Variants in EVC2 observed in about 807,000 individuals in gnomAD.
The protein encoded by EVC2 is EvC ciliary complex subunit 2, also known as limbin.
Under a neutral mutation model 149.3 loss-of-function variants are expected in EVC2, and 148 were observed. The observed-to-expected ratio is 0.99, with a 90% CI of 0.87 to 1.14. The LOEUF (loss-of-function observed/expected upper bound fraction) is 1.14. Among genes scored for constraint, EVC2 ranks in the 50% most tolerant of loss-of-function variants. EVC2 has a pLI of 0.00. For synonymous variants in EVC2, 776 were observed against 649.9 expected, an observed-to-expected ratio of 1.19 and a Z score of -2.95; for missense variants, 1,854 against 1,627.3, an observed-to-expected ratio of 1.14 and a Z score of -2.40.
chr4:5,645,553 C>T (rs1389781395), intron 9 of EVC2, among the ~76,000 whole-genome samples: 1 of 152,136 alleles, frequency 6.6e-6, no homozygotes. Context: ...AGGATAATAG[C>T]CTTCAGCTCC....
rs35541037 is a variant in EVC2, at chr4:5,568,795, C to CA, written c.3361-156dup. Among the ~76,000 whole-genome samples the CA allele has an allele frequency of 2.1e-3, 322 of 151,958 alleles. 6 individuals are homozygous for CA. The highest frequency in any genetic ancestry group is 0.015 in the East Asian group (79 of 5,134). On this transcript the variant is annotated intron_variant, in intron 19 of 21. Coordinates refer to ENST00000344408, the MANE Select transcript of EVC2 (RefSeq NM_147127.5). ...CATGTTCCCGAACTTTCAGAGCTGT[C>CA]AAAAAAAACCTATTTGGTCAGCAAC...
At chr4:5,558,554 A>G (rs1273752792), downstream of EVC2, among the ~76,000 whole-genome samples, 1 of 152,240 alleles carries the variant, frequency 6.6e-6, no homozygotes, top group Non-Finnish European at 1.5e-5. Flanking sequence ...TCAATGCAAA[A>G]TTGACTTTAT....
intron 1 of EVC2, among the ~76,000 whole-genome samples, chr4:5,702,348 T>G (rs966903405): frequency 2.6e-5 from 4 of 152,196 alleles, no homozygotes; most frequent in Admixed American, 2.0e-4. Flanking sequence ...GCTCCAAGAA[T>G]GCAGGTTCCT....
chr4:5,697,610 C>A lies in EVC2; in HGVS notation c.266G>T (p.Cys89Phe), dbSNP rs771545761. Residue 89 changes from cysteine (C) to phenylalanine (F), a missense_variant, in exon 2 of 22, where the codon TGT becomes TTT. Cys to Phe is a radical substitution (Grantham distance 205). Transcript: ENST00000344408. ...PCMIWPKVEC[C>F]HFKTAVEAPL... The stretch of plus-strand genomic sequence containing the variant: ...AAACTCACCTGCAGTCTTAAAGTGA[C>A]AGCATTCCACTTTGGGCCAAATCAT... The A allele has an allele frequency of 1.7e-5, 28 of 1,614,170 alleles. No individual in the cohort carries two copies. In the South Asian group the frequency reaches 3.1e-4, roughly 18 times the overall value.
At chr4:5,603,179 G>C (rs562624002) in intron 16 of EVC2, among the ~76,000 whole-genome samples, 4 of 152,314 alleles carry the variant, frequency 2.6e-5, no homozygotes, top group African/African-American at 9.6e-5. Flanking sequence ...GGATAGATTA[G>C]AAAGGTAAGA....
intron 17 of EVC2, among the ~76,000 whole-genome samples, chr4:5,577,962 CCTGT>C (rs1341462566): frequency 6.6e-6 from 1 of 152,122 alleles, no homozygotes; most frequent in Non-Finnish European, 1.5e-5. Flanking sequence ...CACACCTGAG[CCTGT>C]CTGTGTCATC....
chr4:5,593,333 C>T (rs1000070219), intron 16 of EVC2, among the ~76,000 whole-genome samples: 1 of 152,156 alleles, frequency 6.6e-6, no homozygotes, highest in African/African-American at 2.4e-5. Flanking sequence ...TGCGTTACTT[C>T]CTTTTCTTCC....
chr4:5,563,024 C>T lies in EVC2; in HGVS notation c.3751G>A (p.Glu1251Lys), dbSNP rs769520928. 42 of 1,614,078 alleles carry T rather than the reference C, an allele frequency of 2.6e-5. No homozygotes were observed. Among genetic ancestry groups the T allele is most frequent in the South Asian group, 2.5e-4 (23 of 91,092 alleles). The change falls in exon 22 of 22, where the codon GAA (glutamate) becomes AAA (lysine). Residue 1251 changes from glutamate (E) to lysine (K), a missense_variant. Coordinates refer to ENST00000344408, the MANE Select transcript of EVC2 (RefSeq NM_147127.5). ...CCTACAATGGGTACAGGGGCCAGTT[C>T]GCCAATGGGCTCCAGTGACAGGTGT... The part of the protein sequence containing the change: ...WPHLSLEPIG[E>K]LAPVPIVGAE...
At chr4:5,634,694 A>T (rs1043188407) in intron 10 of EVC2, among the ~76,000 whole-genome samples, 37 of 152,184 alleles carry the variant, frequency 2.4e-4, no homozygotes, top group African/African-American at 7.7e-4. Flanking sequence ...AGCCTTGCAG[A>T]TGTGAGTTCC....
At chr4:5,691,439 C>A in intron 3 of EVC2, 106 bp from the exon 4 acceptor site, 1 of 846,682 alleles carries the variant, frequency 1.2e-6, no homozygotes, top group South Asian at 1.5e-5. Context: ...AGAAAGATTA[C>A]TGCTACTAAT....
intron 16 of EVC2, among the ~76,000 whole-genome samples, chr4:5,590,120 T>A (rs1051890343): frequency 2.0e-5 from 3 of 152,066 alleles, no homozygotes; most frequent in African/African-American, 7.2e-5. Context: ...TGAGGCTGAA[T>A]TAGATAAAAG....
Position 5,670,884 on chromosome 4 carries a change from C to T in EVC2, c.871-5235G>A, listed in dbSNP as rs1719607386. Among the ~76,000 whole-genome samples, 2 of 152,022 alleles carry T rather than the reference C, an allele frequency of 1.3e-5. No individual in the cohort carries two copies. Among genetic ancestry groups the T allele is most frequent in the Non-Finnish European group, 2.9e-5 (2 of 68,010 alleles). On this transcript the variant is annotated intron_variant, in intron 7 of 21. Transcript: ENST00000344408. The surrounding 1 kb of genome is among the most constrained non-coding windows in gnomAD (Gnocchi z 5.2). ...CCATCATTATCAACATCATCAATATCCCCATCACCATCATCTTCACCATGA... is the reference window on the plus strand; with the variant it reads ...CCATCATTATCAACATCATCAATATTCCCATCACCATCATCTTCACCATGA...
In EVC2 at chr4:5,622,046, T is replaced by C. The variant is rs1358183027; in HGVS notation, c.2501+491A>G. ...AGATGATGCAGTGTGGTGGAAGAAC[T>C]AACACGAAGGTCAAGATCATGAGCA... On this transcript the variant is annotated intron_variant, in intron 14 of 21. Transcript: ENST00000344408. This position sits in a 1 kb window ranked among gnomAD's most constrained non-coding sequence, Gnocchi z 5.8. Among the ~76,000 whole-genome samples, 2 of 151,784 alleles carry C rather than the reference T, an allele frequency of 1.3e-5. No homozygotes were observed. The highest frequency in any genetic ancestry group is 2.9e-5 in the Non-Finnish European group (2 of 67,960).
chr4:5,595,459 C>T (rs535882312), intron 16 of EVC2, among the ~76,000 whole-genome samples: 11 of 152,026 alleles, frequency 7.2e-5, no homozygotes, highest in Admixed American at 1.3e-4. Flanking sequence ...TTTCATATCC[C>T]GCCAAACTAA....
chr4:5,572,201 A>G (rs1722682622), intron 19 of EVC2, among the ~76,000 whole-genome samples: 5 of 152,214 alleles, frequency 3.3e-5, no homozygotes, highest in African/African-American at 2.4e-5. Flanking sequence ...GGGACAGAGA[A>G]AAAAAACAAT....
chr4:5,708,217 G>T, intron 1 of EVC2, 69 bp downstream of exon 1: 1 of 1,332,360 alleles, frequency 7.5e-7, no homozygotes, highest in Non-Finnish European at 9.8e-7. Flanking sequence ...GGTCCTCCCT[G>T]CCACCGCCGG....
intron 9 of EVC2, among the ~76,000 whole-genome samples, chr4:5,654,942 C>T (rs886075334): frequency 5.3e-5 from 8 of 152,218 alleles, no homozygotes; most frequent in Non-Finnish European, 1.0e-4. Context: ...TTCCTGCAGA[C>T]AGTGGGTATT....
Position 5,679,428 on chromosome 4 carries a change from CG to C in EVC2, c.870+1831del, listed in dbSNP as rs1289716519. 6.6e-6 allele frequency among the ~76,000 whole-genome samples: 1 copy of C among 151,840 alleles called. No homozygotes were observed. Among genetic ancestry groups the C allele is most frequent in the Non-Finnish European group, 1.5e-5 (1 of 67,980 alleles). ...TTTTTTTTGTATTTTTAGTAAAGAC[CG>C]GTTTAGCCATGTTGGCCAGGCTGAT... On this transcript the variant is annotated intron_variant, in intron 7 of 21. Coordinates refer to ENST00000344408, the MANE Select transcript of EVC2 (RefSeq NM_147127.5). The surrounding 1 kb of genome is among the most constrained non-coding windows in gnomAD (Gnocchi z 5.1).
At chr4:5,565,222 C>T (rs749989639) in intron 21 of EVC2, 36 bp downstream of exon 21, 1 of 1,604,650 alleles carries the variant, frequency 6.2e-7, no homozygotes, top group Non-Finnish European at 8.5e-7. Flanking sequence ...TTAGCTCACC[C>T]CCTCCCCAGC....
Sources: allele counts gnomAD v4.1 joint callset (sites outside exome capture counted in the v4.1 genomes callset), GRCh38; gene constraint gnomAD v4.1.1; non-coding constraint Gnocchi (gnomAD v3.1); transcripts MANE v1.5; gene names NCBI Gene and HGNC (gene_info 2026-07-23, HGNC 2026-07-21).